AGAP1: variants seen among roughly 807,000 people sequenced by gnomAD.
The protein encoded by AGAP1 is arf-GAP with GTPase, ANK repeat and PH domain-containing protein 1.
In AGAP1, 29 loss-of-function variants were observed where a neutral mutation model predicts 105.3. That is an observed-to-expected ratio of 0.28 (90% CI 0.21 to 0.38). The LOEUF (loss-of-function observed/expected upper bound fraction) is 0.38. Among genes scored for constraint, AGAP1 ranks in the 10% least tolerant of loss-of-function variants. The pLI is 1.00. For synonymous variants in AGAP1, 509 were observed against 485.9 expected, an observed-to-expected ratio of 1.05 and a Z score of -0.63; for missense variants, 998 against 1,165.1, an observed-to-expected ratio of 0.86 and a Z score of 2.09.
In AGAP1 at chr2:236,077,972, A is replaced by G. The variant is rs72973068; in HGVS notation, c.2114+28691A>G. Among the ~76,000 whole-genome samples the G allele has an allele frequency of 1.4e-4, 21 of 151,786 alleles. 1 individual carries two copies. In the South Asian group the frequency reaches 2.1e-3, roughly 15 times the overall value. On this transcript the variant is annotated intron_variant, in intron 16 of 17. Transcript: ENST00000304032. ...CTCACAGCGATAGGGCTCTGCTTCA[A>G]TTGGGTCTTTGCTCTGCTCACAGCC...
intron 11 of AGAP1, among the ~76,000 whole-genome samples, chr2:235,916,050 AAAGACGACTACT>A (rs2051864755): frequency 6.6e-6 from 1 of 152,236 alleles, no homozygotes; most frequent in African/African-American, 2.4e-5. Context: ...AAGCCTATGC[AAAGACGACTACT>A]AATCAAATGA....
intron 12 of AGAP1, among the ~76,000 whole-genome samples, chr2:235,933,536 ATT>A (rs71036300): frequency 1.4e-5 from 2 of 141,970 alleles, no homozygotes; most frequent in Non-Finnish European, 1.5e-5. Context: ...TTTTCTAAGG[ATT>A]TTTTTTTTTT....
At chr2:236,122,345 T>C (rs2059919918) in intron 17 of AGAP1, among the ~76,000 whole-genome samples, 2 of 152,166 alleles carry the variant, frequency 1.3e-5, no homozygotes, top group African/African-American at 4.8e-5. Context: ...AGTCACATTC[T>C]AAAGTACTGG....
rs2053991869 is a variant in AGAP1, at chr2:235,957,308, T to C, written c.1484-11154T>C. On this transcript the variant is annotated intron_variant, in intron 12 of 17. Transcript: ENST00000304032. This position sits in a 1 kb window ranked among gnomAD's most constrained non-coding sequence, Gnocchi z 4.6. ...TGGGCGTAATTGAAAATGGCCCAAGTAGGCAATTCTTCTCTCCTGTGTGTT... is the reference window on the plus strand; with the variant it reads ...TGGGCGTAATTGAAAATGGCCCAAGCAGGCAATTCTTCTCTCCTGTGTGTT... Among the ~76,000 whole-genome samples, 1 of 152,212 alleles carries C rather than the reference T, an allele frequency of 6.6e-6. No individual in the cohort carries two copies. Among genetic ancestry groups the C allele is most frequent in the Admixed American group, 6.5e-5 (1 of 15,288 alleles).
intron 1 of AGAP1, among the ~76,000 whole-genome samples, chr2:235,502,027 C>T (rs539494727): frequency 2.8e-4 from 43 of 152,202 alleles, no homozygotes; most frequent in South Asian, 2.7e-3. Context: ...GTGTGTGCTG[C>T]GGTGAGCCCT....
chr2:235,772,298 A>G (rs3108499), intron 6 of AGAP1, among the ~76,000 whole-genome samples: 38,569 of 152,056 alleles, frequency 0.25, 5,281 homozygotes, highest in Admixed American at 0.4. Context: ...AACCCCAGAT[A>G]TTTCTTATAA....
intron 1 of AGAP1, among the ~76,000 whole-genome samples, chr2:235,497,609 TG>T (rs1941373601): frequency 6.6e-6 from 1 of 152,252 alleles, no homozygotes; most frequent in Non-Finnish European, 1.5e-5. Flanking sequence ...CTTCTTTTTT[TG>T]TTTTGAGACG....
Position 235,552,290 on chromosome 2 carries a change from G to A in AGAP1, c.163+57441G>A, listed in dbSNP as rs2149118039. 6.6e-6 allele frequency among the ~76,000 whole-genome samples: 1 copy of A among 152,356 alleles called. No individual in the cohort carries two copies. The highest frequency in any genetic ancestry group is 1.9e-4 in the East Asian group (1 of 5,184). On this transcript the variant is annotated intron_variant, in intron 1 of 17. Transcript: ENST00000304032. This position sits in a 1 kb window ranked among gnomAD's most constrained non-coding sequence, Gnocchi z 5.9. ...GGAAAGAGAGAGACATTGGTGCCAA[G>A]AAATCCTATCGGGGACATTTAATAA...
At chr2:235,985,843 A>G (rs1385590467) in intron 13 of AGAP1, among the ~76,000 whole-genome samples, 1 of 152,210 alleles carries the variant, frequency 6.6e-6, no homozygotes, top group Non-Finnish European at 1.5e-5. Flanking sequence ...CTGTTTTGGT[A>G]CCAGTACCAT....
intron 1 of AGAP1, among the ~76,000 whole-genome samples, chr2:235,668,859 GTT>G (rs1948219459): frequency 6.6e-6 from 1 of 152,152 alleles, no homozygotes; most frequent in Non-Finnish European, 1.5e-5. Flanking sequence ...TGGCACCCCT[GTT>G]TTACAGGTGG....
At chr2:235,542,217 C>T (rs970824873) in intron 1 of AGAP1, among the ~76,000 whole-genome samples, 4 of 149,066 alleles carry the variant, frequency 2.7e-5, no homozygotes, top group South Asian at 2.2e-4. Context: ...CAGTGGGTCC[C>T]GGGGGGGGGC....
chr2:235,897,087 T>C (rs1052807343), intron 10 of AGAP1, among the ~76,000 whole-genome samples: 3 of 152,218 alleles, frequency 2.0e-5, no homozygotes, highest in Non-Finnish European at 4.4e-5. Context: ...TATTTGGTTT[T>C]ATTTGTTTTT....
At chr2:235,505,696 G>T (rs78543310) in intron 1 of AGAP1, 2,030 of 152,318 alleles carry the variant, frequency 0.013, 30 homozygotes, top group South Asian at 0.04. Context: ...CGGAGTCCAG[G>T]GAGAGATCCT....
At position 235,875,095 on chromosome 2, in the gene AGAP1, C is replaced by T. The variant is rs1318232471; in HGVS notation, c.1051-8250C>T. On this transcript the variant is annotated intron_variant, in intron 9 of 17. Transcript: ENST00000304032. This position sits in a 1 kb window ranked among gnomAD's most constrained non-coding sequence, Gnocchi z 4.0. The stretch of plus-strand genomic sequence containing the variant: ...CCTGGGGTCCTGGGATGGAGAGAGC[C>T]CTGTCACCCCCTCTCCCCCATCTGC... 2.0e-5 allele frequency among the ~76,000 whole-genome samples: 3 copies of T among 152,092 alleles called. No homozygotes were observed. Among genetic ancestry groups the T allele is most frequent in the African/African-American group, 7.2e-5 (3 of 41,396 alleles).
At position 235,747,622 on chromosome 2, in the gene AGAP1, G is replaced by C. The variant is rs1156279197; in HGVS notation, c.539-2732G>C. On this transcript the variant is annotated intron_variant, in intron 5 of 17. Transcript: ENST00000304032. This position sits in a 1 kb window ranked among gnomAD's most constrained non-coding sequence, Gnocchi z 5.0. ...CTCTTGGTCCTTCCCTAGACTTCAG[G>C]GAGCACCCCAGAAAGCCTGATGGCA... 6.6e-6 allele frequency among the ~76,000 whole-genome samples: 1 copy of C among 152,204 alleles called. No homozygotes were observed. The highest frequency in any genetic ancestry group is 1.5e-5 in the Non-Finnish European group (1 of 68,040).
chr2:235,544,779 T>C, intron 1 of AGAP1, among the ~76,000 whole-genome samples: 1 of 152,180 alleles, frequency 6.6e-6, no homozygotes, highest in Non-Finnish European at 1.5e-5. Flanking sequence ...CCAGTTGATG[T>C]AAAATCTGTC....
intron 1 of AGAP1, among the ~76,000 whole-genome samples, chr2:235,686,653 ATATATATATATATTTT>A (rs1287672271): frequency 5.1e-5 from 3 of 59,070 alleles, no homozygotes; most frequent in African/African-American, 2.8e-4. Flanking sequence ...ATAGATATAT[ATATATATATATATTTT>A]TTTTTTTTTT....
chr2:235,811,377 G>A (rs1245830419), intron 9 of AGAP1, among the ~76,000 whole-genome samples: 1 of 152,222 alleles, frequency 6.6e-6, no homozygotes, highest in African/African-American at 2.4e-5. Flanking sequence ...TTATCTCATC[G>A]TGCTTACGCA....
intron 9 of AGAP1, among the ~76,000 whole-genome samples, chr2:235,847,592 C>G (rs983169062): frequency 6.6e-6 from 1 of 152,152 alleles, no homozygotes; most frequent in Non-Finnish European, 1.5e-5. Context: ...GTCATTTTAT[C>G]AAATAAGAAA....
Sources: gnomAD v4.1 joint callset for allele counts (sites outside exome capture counted in the v4.1 genomes callset) on GRCh38, gnomAD v4.1.1 for gene constraint, Gnocchi (gnomAD v3.1) non-coding constraint, MANE v1.5 for transcripts, NCBI Gene and HGNC (gene_info 2026-07-23, HGNC 2026-07-21) for gene names.